Variants in ITPKC observed in about 807,000 individuals in gnomAD.
The protein encoded by ITPKC is IP3 3-kinase C.
Under a neutral mutation model 67.1 loss-of-function variants are expected in ITPKC, and 33 were observed. The ratio of observed to expected loss-of-function variants is 0.49; its 90% CI spans 0.37 to 0.66. ITPKC has a LOEUF of 0.66. ITPKC is among the 30% of genes least tolerant of loss of function. ITPKC has a pLI of 0.00. For synonymous variants in ITPKC, 341 were observed against 359.8 expected (o/e 0.95, Z 0.59); for missense variants, 820 against 892.1 (o/e 0.92, Z 1.03).
rs529420564 is a variant in ITPKC, at chr19:40,730,314, T to C, written c.1469+899T>C. Among the ~76,000 whole-genome samples, 8 of 152,218 alleles carry C rather than the reference T, an allele frequency of 5.3e-5. No homozygotes were observed. The South Asian group carries it at 1.4e-3, about 28-fold the overall frequency. On this transcript the variant is annotated intron_variant, in intron 3 of 6. Transcript: ENST00000263370. ...CTATAATCCCAACACTCTGGGAGGC[T>C]GTATACACACACACACACAGACACA...
In ITPKC at chr19:40,733,313, G is replaced by A; in HGVS notation, c.1623G>A (p.Arg541=). The change falls in exon 4 of 7, where the codon AGG becomes AGA. Residue 541 remains arginine (R), a synonymous_variant. Transcript: ENST00000263370. ...CCAAGCCCCGCTACATGCAGTGGAG[G>A]GAAACCATGAGCTCCACCTCTACCC... is the stretch of plus-strand genomic sequence containing the variant. ...AVTKPRYMQW[R]ETMSSTSTLG... 1 of 1,613,764 alleles carries A rather than the reference G, an allele frequency of 6.2e-7. No individual in the cohort carries two copies. The highest frequency in any genetic ancestry group is 8.5e-7 in the Non-Finnish European group (1 of 1,179,850).
intron 2 of ITPKC, among the ~76,000 whole-genome samples, chr19:40,727,711 C>T (rs1023202372): frequency 3.9e-5 from 6 of 152,200 alleles, no homozygotes; most frequent in East Asian, 1.9e-4. Flanking sequence ...TCTAACAAGA[C>T]AGCTCAGGAC....
chr19:40,737,567 C>T, intron 5 of ITPKC, 131 bp from the exon 6 acceptor site: 1 of 765,726 alleles, frequency 1.3e-6, no homozygotes, highest in Non-Finnish European at 2.3e-6. Context: ...CTGTCTTCCC[C>T]ATGGCTCCCC....
intron 2 of ITPKC, among the ~76,000 whole-genome samples, chr19:40,728,143 G>A (rs536157829): frequency 6.6e-6 from 1 of 152,322 alleles, no homozygotes; most frequent in Non-Finnish European, 1.5e-5. Context: ...GCTGAGATGG[G>A]AGGATCATTT....
chr19:40,721,151 C>G (rs2082220357), intron 1 of ITPKC, among the ~76,000 whole-genome samples: 1 of 151,868 alleles, frequency 6.6e-6, no homozygotes, highest in Non-Finnish European at 1.5e-5. Context: ...CAGCAGTGAC[C>G]AAGACACTCA....
At chr19:40,726,032 G>A (rs1482608792) in intron 2 of ITPKC, among the ~76,000 whole-genome samples, 1 of 152,138 alleles carries the variant, frequency 6.6e-6, no homozygotes, top group Non-Finnish European at 1.5e-5. Context: ...CCTGAGGTCA[G>A]GAGTTTAAGA....
intron 3 of ITPKC, among the ~76,000 whole-genome samples, chr19:40,731,253 C>T: frequency 6.6e-6 from 1 of 152,192 alleles, no homozygotes; most frequent in Non-Finnish European, 1.5e-5. Context: ...TCCTGTCAGA[C>T]TAGCGGGCAG....
At position 40,740,476 on chromosome 19, in the gene ITPKC, C is replaced by T. The variant is rs1386640472; in HGVS notation, c.*916C>T. The T allele has an allele frequency of 9.6e-6, 2 of 207,562 alleles. No homozygotes were observed. The highest frequency in any genetic ancestry group is 1.2e-4 in the Admixed American group (2 of 16,596). 12.9% of individuals were successfully genotyped at this position (207,562 alleles called of 1,614,324 possible). ...CAGGAGGGCCCCATCCAATCCCGGG[C>T]CCCTGCAGGGAAAAGCGCTGGGTGT... On this transcript the variant is annotated 3_prime_UTR_variant, in exon 7 of 7. Transcript: ENST00000263370.
rs141095024 is a variant in ITPKC at position 40,731,487 on chromosome 19, C to T, written c.1470-1673C>T. ...GCAAAAGATGAAGAGAAGTGTAGGG[C>T]AAGGTATGGGGGAAGGGGTACGGAG... On this transcript the variant is annotated intron_variant, in intron 3 of 6. Coordinates refer to ENST00000263370, the MANE Select transcript of ITPKC (RefSeq NM_025194.3). Among the ~76,000 whole-genome samples, 14 of 151,522 alleles carry T rather than the reference C, an allele frequency of 9.2e-5. No homozygotes were observed. The East Asian group carries it at 2.3e-3, about 25-fold the overall frequency.
chr19:40,733,801 C>T (rs1651394610), intron 4 of ITPKC, among the ~76,000 whole-genome samples: 1 of 152,132 alleles, frequency 6.6e-6, no homozygotes, highest in South Asian at 2.1e-4. Flanking sequence ...TGCCTGTAAT[C>T]CCAGCACTTT....
At position 40,718,058 on chromosome 19, in the gene ITPKC, C is replaced by T. The variant is rs373480742; in HGVS notation, c.923C>T (p.Pro308Leu). 2 of 1,614,000 alleles carry T rather than the reference C, an allele frequency of 1.2e-6. No individual in the cohort carries two copies. Among genetic ancestry groups the T allele is most frequent in the African/African-American group, 2.7e-5 (2 of 74,912 alleles). The change falls in exon 1 of 7, where the codon CCT becomes CTT. Residue 308 changes from proline (P) to leucine (L), a missense_variant. Physicochemically the swap from Pro to Leu is moderately conservative, Grantham distance 98. This residue lies in a region of ITPKC where 481 missense variants were observed against 470.1 expected (regional missense o/e 1.02). Transcript: ENST00000263370. The stretch of plus-strand genomic sequence containing the variant: ...GATGGCCCATTAGAGGAACCAGAGC[C>T]TGGAGAATTGCTGACTCACCTGTAC... ...PEDGPLEEPE[P>L]GELLTHLYSH...
chr19:40,724,647 G>A (rs1382393966), intron 1 of ITPKC, among the ~76,000 whole-genome samples: 3 of 152,062 alleles, frequency 2.0e-5, no homozygotes, highest in Non-Finnish European at 4.4e-5. Flanking sequence ...CAGAGATGGG[G>A]CTTCCAATAT....
chr19:40,724,041 G>A (rs2082234649), intron 1 of ITPKC, among the ~76,000 whole-genome samples: 1 of 152,158 alleles, frequency 6.6e-6, no homozygotes, highest in Non-Finnish European at 1.5e-5. Flanking sequence ...CCCCACTGGG[G>A]AACAAACGTG....
chr19:40,739,205 G>C, intron 6 of ITPKC, 152 bp from the exon 7 acceptor site: 1 of 613,660 alleles, frequency 1.6e-6, no homozygotes, highest in East Asian at 2.8e-5. Flanking sequence ...CCTGCCTAAG[G>C]CTGCACAGAC....
chr19:40,733,392 C>A, intron 4 of ITPKC, 28 bp downstream of exon 4: 2 of 1,578,232 alleles, frequency 1.3e-6, no homozygotes, highest in Non-Finnish European at 1.7e-6. Context: ...CCTGGCCTGT[C>A]CCGGGAAGGC....
intron 3 of ITPKC, among the ~76,000 whole-genome samples, chr19:40,730,034 G>T (rs1299712638): frequency 6.6e-6 from 1 of 152,084 alleles, no homozygotes; most frequent in Non-Finnish European, 1.5e-5. Flanking sequence ...TCCACCTCCT[G>T]GGTTTAAGTG....
Position 40,733,380 on chromosome 19 carries a change from C to A in ITPKC, c.1674+16C>A, listed in dbSNP as rs144201785. 58 of 1,594,530 alleles carry A rather than the reference C, an allele frequency of 3.6e-5. 1 individual carries two copies. In the African/African-American group the frequency reaches 6.8e-4, roughly 19 times the overall value. On this transcript the variant is annotated intron_variant, in intron 4 of 6. Transcript: ENST00000263370. ...GGGCATCAAGGTGAGGACCAGGAAC[C>A]GCCTGGCCTGTCCCGGGAAGGCCTA...
chr19:40,731,493 A>G (rs372917759), intron 3 of ITPKC, among the ~76,000 whole-genome samples: 10 of 149,392 alleles, frequency 6.7e-5, no homozygotes, highest in Admixed American at 4.7e-4. Flanking sequence ...AGGGCAAGGT[A>G]TGGGGGAAGG....
At chr19:40,731,769 C>G (rs1310399639) in intron 3 of ITPKC, among the ~76,000 whole-genome samples, 4 of 151,780 alleles carry the variant, frequency 2.6e-5, no homozygotes, top group Admixed American at 1.3e-4. Context: ...CACCAGCATT[C>G]CTTCCCCCAG....
Sources: allele counts gnomAD v4.1 joint callset (sites outside exome capture counted in the v4.1 genomes callset), GRCh38; gene constraint gnomAD v4.1.1; regional missense constraint gnomAD v4.1.1; transcripts MANE v1.5; gene names NCBI Gene and HGNC (gene_info 2026-07-23, HGNC 2026-07-21).